CEP120: variants seen among roughly 807,000 people sequenced by gnomAD.
CEP120 encodes centrosomal protein 120.
Under a neutral mutation model 126.5 loss-of-function variants are expected in CEP120, and 113 were observed. That is an observed-to-expected ratio of 0.89 (90% CI 0.77 to 1.04). The LOEUF (loss-of-function observed/expected upper bound fraction) is 1.04. Among genes scored for constraint, CEP120 ranks in the 50% least tolerant of loss-of-function variants. The pLI, the probability that CEP120 is intolerant of heterozygous loss-of-function variation, is 0.00. For synonymous variants in CEP120, 400 were observed against 394.3 expected (o/e 1.01, Z -0.17); for missense variants, 1,230 against 1,155.7 (o/e 1.06, Z -0.93).
intron 18 of CEP120, 130 bp from the exon 19 acceptor site, chr5:123,350,219 T>C (rs1360895763): frequency 1.4e-5 from 12 of 832,712 alleles, no homozygotes; most frequent in Non-Finnish European, 2.0e-5. Flanking sequence ...ATTCTTTTTT[T>C]TTTTAACAGA....
At chr5:123,382,910 T>C (rs762871707) in intron 12 of CEP120, 21 bp from the exon 13 acceptor site, 1 of 1,611,348 alleles carries the variant, frequency 6.2e-7, no homozygotes, top group Non-Finnish European at 8.5e-7. Flanking sequence ...AACCAAAAAG[T>C]ACATTTAAAC....
At chr5:123,380,796 C>T (rs1771585853) in intron 14 of CEP120, among the ~76,000 whole-genome samples, 1 of 151,950 alleles carries the variant, frequency 6.6e-6, no homozygotes, top group Non-Finnish European at 1.5e-5. Context: ...TTCCAGCTCC[C>T]CCAGATTCAA....
intron 3 of CEP120, among the ~76,000 whole-genome samples, chr5:123,415,807 G>A (rs1774342491): frequency 6.6e-6 from 1 of 151,942 alleles, no homozygotes. Context: ...GGGAAGCGGA[G>A]GTTGCAGTGA....
At position 123,346,624 on chromosome 5, in the gene CEP120, CCTTT is replaced by C. The variant is rs1160171420; in HGVS notation, c.2852_2855del (p.Glu951GlyfsTer4). ...ACACACCCGTTCTCATCAAAGTATC[CCTTT>C]CTTCTATCAGGCGAGTCAAATAATC... On this transcript the variant is annotated frameshift_variant, in exon 20 of 20. Coordinates refer to ENST00000306467, the MANE Select transcript of CEP120 (RefSeq NM_001375405.1). LOFTEE classifies it high-confidence loss of function. The C allele has an allele frequency of 3.1e-6, 5 of 1,613,792 alleles. No individual in the cohort carries two copies. The highest frequency in any genetic ancestry group is 3.3e-5 in the Admixed American group (2 of 59,968).
intron 2 of CEP120, 30 bp downstream of exon 2, chr5:123,418,329 T>C: frequency 6.6e-7 from 1 of 1,512,846 alleles, no homozygotes; most frequent in Non-Finnish European, 8.9e-7. Context: ...AAGAAACCAA[T>C]AAAGAAGCTA....
chr5:123,355,050 C>G (rs1769487966), intron 18 of CEP120, among the ~76,000 whole-genome samples: 1 of 151,576 alleles, frequency 6.6e-6, no homozygotes, highest in Admixed American at 6.6e-5. Flanking sequence ...GTTTTTTGTC[C>G]TTGCAATAGT....
chr5:123,366,860 C>T (rs1307110331), intron 17 of CEP120, among the ~76,000 whole-genome samples: 1 of 151,810 alleles, frequency 6.6e-6, no homozygotes, highest in Admixed American at 6.6e-5. Context: ...CCTACCCGCT[C>T]AACCTGCTTT....
chr5:123,368,002 T>C (rs909231056), intron 17 of CEP120, among the ~76,000 whole-genome samples: 2 of 151,930 alleles, frequency 1.3e-5, no homozygotes, highest in Admixed American at 1.3e-4. Context: ...GAAAAGCCTC[T>C]TTTCACTAGG....
At chr5:123,423,755 A>G (rs1343114639), upstream of CEP120, among the ~76,000 whole-genome samples, 1 of 152,214 alleles carries the variant, frequency 6.6e-6, no homozygotes, top group East Asian at 1.9e-4. Context: ...AAATTAAATC[A>G]CAAAAAAATA....
rs941926391 is a variant in CEP120, at chr5:123,401,153, G to A, written c.464-1869C>T. On this transcript the variant is annotated intron_variant, in intron 4 of 19. Coordinates refer to ENST00000306467, the MANE Select transcript of CEP120 (RefSeq NM_001375405.1). ...TCCCAGACTCCAGCCGGCTCTCCTC[G>A]CCCTCCAGCAGCTTCTTGTAGGTGG... 2.7e-5 allele frequency: 44 copies of A among 1,608,746 alleles called. No homozygotes were observed. The Middle Eastern group carries it at 6.8e-4, about 25-fold the overall frequency.
intron 4 of CEP120, chr5:123,401,292 C>T (rs1262938173): frequency 3.0e-5 from 49 of 1,607,732 alleles, no homozygotes; most frequent in Middle Eastern, 1.7e-4. Flanking sequence ...GACAACTTGG[C>T]GTTAGCATCC....
intron 2 of CEP120, 82 bp from the exon 3 acceptor site, chr5:123,416,206 G>C: frequency 1.3e-6 from 1 of 772,396 alleles, no homozygotes; most frequent in Non-Finnish European, 2.2e-6. Flanking sequence ...CTATTATCAA[G>C]ATACTTATAA....
At chr5:123,382,536 C>G (rs1263882508) in intron 13 of CEP120, among the ~76,000 whole-genome samples, 2 of 152,042 alleles carry the variant, frequency 1.3e-5, no homozygotes, top group Non-Finnish European at 2.9e-5. Flanking sequence ...ACAAAGTTTA[C>G]AGAATTCTGA....
At chr5:123,407,106 A>T (rs1179053393) in intron 4 of CEP120, among the ~76,000 whole-genome samples, 7 of 44,654 alleles carry the variant, frequency 1.6e-4, no homozygotes, top group Non-Finnish European at 1.9e-4. Context: ...CTAAAAAAGT[A>T]AAAAAAAAAA....
chr5:123,390,343 A>G (rs1245078182), intron 7 of CEP120: 2 of 642,456 alleles, frequency 3.1e-6, no homozygotes, highest in Non-Finnish European at 5.7e-6. Flanking sequence ...TATGATATCC[A>G]GAGCTGAATA....
intron 8 of CEP120, among the ~76,000 whole-genome samples, chr5:123,389,530 C>T (rs1028958656): frequency 2.7e-5 from 4 of 150,790 alleles, no homozygotes; most frequent in African/African-American, 7.3e-5. Flanking sequence ...GACGGAGTTC[C>T]GCTCTTGTTG....
At chr5:123,421,529 G>T (rs1487467050) in intron 1 of CEP120, among the ~76,000 whole-genome samples, 3 of 152,036 alleles carry the variant, frequency 2.0e-5, no homozygotes, top group African/African-American at 7.2e-5. Flanking sequence ...GACTGGCCTG[G>T]GTTGTCCATA....
Position 123,393,505 on chromosome 5 carries a change from T to G in CEP120, c.613-8A>C. ...CATGGTACATGGAATTAACTAAACA[T>G]TTCAGGAAAAAGAAAACAGTTATTA... On this transcript the variant is annotated splice_polypyrimidine_tract_variant and splice_region_variant and intron_variant, in intron 5 of 19. Transcript: ENST00000306467. The G allele has an allele frequency of 6.2e-7, 1 of 1,610,154 alleles. No homozygotes were observed. Among genetic ancestry groups the G allele is most frequent in the Admixed American group, 1.7e-5 (1 of 59,920 alleles).
intron 4 of CEP120, among the ~76,000 whole-genome samples, chr5:123,407,606 G>A (rs1040814704): frequency 6.6e-6 from 1 of 152,186 alleles, no homozygotes; most frequent in African/African-American, 2.4e-5. Context: ...AGAGCTGCAA[G>A]GAGAAATAGT....
Sources: allele counts gnomAD v4.1 joint callset (sites outside exome capture counted in the v4.1 genomes callset), GRCh38; gene constraint gnomAD v4.1.1; transcripts MANE v1.5; gene names NCBI Gene and HGNC (gene_info 2026-07-23, HGNC 2026-07-21).